Variants in EYS observed in about 807,000 individuals in gnomAD.
EYS encodes the protein protein eyes shut homolog.
Under a neutral mutation model 282.1 loss-of-function variants are expected in EYS, and 250 were observed. That is an observed-to-expected ratio of 0.89 (90% confidence interval 0.80 to 0.98). The LOEUF is 0.98. Ranked by LOEUF, EYS falls within the 50% of genes least tolerant of loss-of-function variation. The pLI is 0.00. For synonymous variants in EYS, 1,355 were observed against 1,282.9 expected (o/e 1.06, Z -1.20); for missense variants, 4,016 against 3,709.0 (o/e 1.08, Z -2.15).
At chr6:65,396,399 C>T (rs1766281568) in intron 7 of EYS, among the ~76,000 whole-genome samples, 1 of 152,018 alleles carries the variant, frequency 6.6e-6, no homozygotes, top group South Asian at 2.1e-4. Flanking sequence ...ACGTTTATTC[C>T]ATCCCACAAT....
chr6:64,196,951 G>A (rs951965914), intron 31 of EYS, among the ~76,000 whole-genome samples: 3 of 151,200 alleles, frequency 2.0e-5, no homozygotes, highest in Non-Finnish European at 2.9e-5. Context: ...TGTATTTTTC[G>A]TGGCTCCTGT....
chr6:65,145,858 G>T (rs948974959), intron 12 of EYS, among the ~76,000 whole-genome samples: 1 of 151,776 alleles, frequency 6.6e-6, no homozygotes, highest in Admixed American at 6.6e-5. Flanking sequence ...AACAGAATTG[G>T]AATATATCCA....
chr6:64,243,159 CA>C (rs1164939012), intron 30 of EYS, among the ~76,000 whole-genome samples: 1 of 151,356 alleles, frequency 6.6e-6, no homozygotes, highest in African/African-American at 2.4e-5. Flanking sequence ...TATTTTTATT[CA>C]TATCCTCCTC....
At position 64,209,675 on chromosome 6, in the gene EYS, T is replaced by C. The variant is rs115431131; in HGVS notation, c.6424+20917A>G. 9.1e-3 allele frequency among the ~76,000 whole-genome samples: 1,383 copies of C among 152,246 alleles called. 18 individuals are homozygous for C. Among genetic ancestry groups the C allele is most frequent in the African/African-American group, 0.031 (1,293 of 41,550 alleles). On this transcript the variant is annotated intron_variant, in intron 31 of 42. Transcript: ENST00000503581. Reference sequence around the variant, plus strand: ...TAAATCAAATATTTGTCCTTATTAGTCCCCTCCCTCTGCTTTTAGAACAGC... The same window carrying C: ...TAAATCAAATATTTGTCCTTATTAGCCCCCTCCCTCTGCTTTTAGAACAGC...
intron 14 of EYS, among the ~76,000 whole-genome samples, chr6:64,949,833 T>G (rs936340006): frequency 1.3e-5 from 2 of 151,910 alleles, no homozygotes; most frequent in Non-Finnish European, 2.9e-5. Flanking sequence ...TGCCTTCATA[T>G]GTAAAGTACT....
chr6:64,054,812 G>T (rs1359448942), intron 33 of EYS, among the ~76,000 whole-genome samples: 5 of 152,142 alleles, frequency 3.3e-5, no homozygotes, highest in African/African-American at 4.8e-5. Flanking sequence ...AAGTGAGATA[G>T]TGTATAAAAA....
At chr6:65,362,063 T>G (rs1764731422) in intron 8 of EYS, among the ~76,000 whole-genome samples, 1 of 81,186 alleles carries the variant, frequency 1.2e-5, no homozygotes, top group African/African-American at 4.7e-5. Flanking sequence ...TTTTCATTTA[T>G]TTCCTTTTAA....
At chr6:65,134,343 C>A (rs756424369) in intron 12 of EYS, among the ~76,000 whole-genome samples, 4 of 151,918 alleles carry the variant, frequency 2.6e-5, no homozygotes, top group Non-Finnish European at 5.9e-5. Context: ...ATAGAATCAA[C>A]CTACATGCCT....
At chr6:64,809,521 AGTTTT>A (rs1354160084) in intron 22 of EYS, among the ~76,000 whole-genome samples, 2 of 152,072 alleles carry the variant, frequency 1.3e-5, no homozygotes, top group African/African-American at 4.8e-5. Context: ...TGAAGGACAG[AGTTTT>A]AAGTAGTGTT....
At chr6:64,931,512 GTTC>G (rs1391018335) in intron 15 of EYS, among the ~76,000 whole-genome samples, 1 of 151,850 alleles carries the variant, frequency 6.6e-6, no homozygotes, top group African/African-American at 2.4e-5. Flanking sequence ...TCTTTTTAGT[GTTC>G]TTCATTTGTT....
chr6:65,197,217 A>G (rs983432813), intron 12 of EYS, among the ~76,000 whole-genome samples: 8 of 152,110 alleles, frequency 5.3e-5, no homozygotes, highest in Non-Finnish European at 1.2e-4. Context: ...CGACGCTAAA[A>G]TAAATATGTA....
At chr6:65,060,755 T>A (rs989901955) in intron 12 of EYS, among the ~76,000 whole-genome samples, 1 of 146,478 alleles carries the variant, frequency 6.8e-6, no homozygotes, top group Non-Finnish European at 1.5e-5. Flanking sequence ...TATATATATA[T>A]GTGTATATAC....
In EYS at chr6:65,398,486, A is replaced by AAAACTT. The variant is rs547983059; in HGVS notation, c.1184+3986_1184+3991dup. Among the ~76,000 whole-genome samples, 622 of 152,194 alleles carry AAAACTT rather than the reference A, an allele frequency of 4.1e-3. 5 individuals carry two copies. The highest frequency in any genetic ancestry group is 0.014 in the African/African-American group (589 of 41,578). ...TCAAAAATTAACTCAAGTTAGATTA[A>AAAACTT]AAACTTAAGACCTGTCATTTTAAAA... On this transcript the variant is annotated intron_variant, in intron 7 of 42. Transcript: ENST00000503581.
At chr6:65,234,656 T>C (rs1562040435) in intron 12 of EYS, among the ~76,000 whole-genome samples, 1 of 152,146 alleles carries the variant, frequency 6.6e-6, no homozygotes, top group Non-Finnish European at 1.5e-5. Context: ...ACACACAGAA[T>C]GCAAAGTATT....
chr6:63,762,466 T>C lies in EYS; in HGVS notation c.8066A>G (p.Glu2689Gly). 6.5e-7 allele frequency: 1 copy of C among 1,549,898 alleles called. No homozygotes were observed. The highest frequency in any genetic ancestry group is 2.4e-5 in the East Asian group (1 of 40,888). Residue 2689 changes from glutamate (E) to glycine (G), a missense_variant, in exon 41 of 43, where the codon GAA (glutamate) becomes GGA (glycine). Transcript: ENST00000503581. ...CPLGTTGIYCEQALSISDPSF... is the reference protein window; with the variant it reads ...CPLGTTGIYCGQALSISDPSF... The stretch of plus-strand genomic sequence containing the variant: ...GATTTGAAATTCTGCCTCACCTTGT[T>C]CACAGTAGATTCCAGTGGTTCCTAG...
intron 31 of EYS, among the ~76,000 whole-genome samples, chr6:64,218,899 G>A (rs746323132): frequency 6.6e-6 from 1 of 152,178 alleles, no homozygotes; most frequent in African/African-American, 2.4e-5. Flanking sequence ...CACGGCTCAA[G>A]TCATCTAGAA....
At chr6:65,111,950 C>T (rs928314704) in intron 12 of EYS, among the ~76,000 whole-genome samples, 3 of 152,148 alleles carry the variant, frequency 2.0e-5, no homozygotes, top group South Asian at 2.1e-4. Flanking sequence ...AAACCTTACT[C>T]ACTTTCAACT....
At chr6:63,920,453 C>T (rs1764539032) in intron 35 of EYS, among the ~76,000 whole-genome samples, 1 of 151,850 alleles carries the variant, frequency 6.6e-6, no homozygotes, top group Non-Finnish European at 1.5e-5. Context: ...AACTCCTGTT[C>T]TCACAGCTTC....
chr6:64,842,840 A>G (rs1765603849), intron 19 of EYS, among the ~76,000 whole-genome samples: 2 of 152,102 alleles, frequency 1.3e-5, no homozygotes, highest in Admixed American at 1.3e-4. Context: ...TTAAAAGGGA[A>G]ACAGTGCATA....
Sources: allele counts gnomAD v4.1 joint callset (sites outside exome capture counted in the v4.1 genomes callset), GRCh38; gene constraint gnomAD v4.1.1; transcripts MANE v1.5; gene names NCBI Gene and HGNC (gene_info 2026-07-23, HGNC 2026-07-21).